Variants in RALGAPA2 observed in about 807,000 individuals in gnomAD.
RALGAPA2 encodes Ral GTPase activating protein catalytic subunit alpha 2.
Under a neutral mutation model 230.4 loss-of-function variants are expected in RALGAPA2, and 139 were observed. The ratio of observed to expected loss-of-function variants is 0.60; its 90% CI spans 0.53 to 0.69. RALGAPA2 has a LOEUF of 0.69. Among genes scored for constraint, RALGAPA2 ranks in the 30% least tolerant of loss-of-function variants. The pLI is 0.00. For missense variants in RALGAPA2, 2,163 were observed against 2,276.0 expected (o/e 0.95, Z 1.01); for synonymous variants, 847 against 837.8 (o/e 1.01, Z -0.19).
intron 37 of RALGAPA2, among the ~76,000 whole-genome samples, chr20:20,452,315 T>C (rs144499969): frequency 6.6e-6 from 1 of 152,310 alleles, no homozygotes; most frequent in Non-Finnish European, 1.5e-5. Context: ...ACGTTTTAGC[T>C]GGAGGGGTTA....
intron 16 of RALGAPA2, among the ~76,000 whole-genome samples, chr20:20,597,670 C>T (rs2065499895): frequency 6.6e-6 from 1 of 152,020 alleles, no homozygotes; most frequent in Admixed American, 6.6e-5. Context: ...GAAACCTCAT[C>T]TCTACTAAAA....
chr20:20,421,873 A>G lies in RALGAPA2; in HGVS notation c.5496-9725T>C, dbSNP rs533600751. ...TTATTATTTACAGCCAAAAACCAGA[A>G]ACAACCCCCTTGCCTGCAAACTGAT... On this transcript the variant is annotated intron_variant, in intron 37 of 39. Coordinates refer to ENST00000202677, the MANE Select transcript of RALGAPA2 (RefSeq NM_020343.4). Among the ~76,000 whole-genome samples, 14 of 152,318 alleles carry G rather than the reference A, an allele frequency of 9.2e-5. No individual in the cohort carries two copies. The East Asian group carries it at 2.7e-3, about 29-fold the overall frequency.
intron 24 of RALGAPA2, among the ~76,000 whole-genome samples, chr20:20,539,065 A>T (rs748001911): frequency 3.3e-5 from 5 of 152,204 alleles, no homozygotes; most frequent in Non-Finnish European, 7.3e-5. Context: ...TCTTATGTAC[A>T]CACTATAATT....
chr20:20,480,651 G>A (rs550181379), intron 36 of RALGAPA2, among the ~76,000 whole-genome samples: 30 of 152,126 alleles, frequency 2.0e-4, no homozygotes, highest in Non-Finnish European at 3.4e-4. Flanking sequence ...GGATAGACAG[G>A]GTGAGTGGTC....
At chr20:20,497,639 T>C (rs947037270) in intron 35 of RALGAPA2, among the ~76,000 whole-genome samples, 4 of 152,248 alleles carry the variant, frequency 2.6e-5, no homozygotes, top group Admixed American at 2.0e-4. Flanking sequence ...ACCGTGATTA[T>C]TGAAGTTTTG....
At chr20:20,550,130 C>T (rs1006638236) in intron 23 of RALGAPA2, among the ~76,000 whole-genome samples, 1 of 152,058 alleles carries the variant, frequency 6.6e-6, no homozygotes, top group African/African-American at 2.4e-5. Context: ...GTCTTTTATC[C>T]CTCATCCCCT....
intron 23 of RALGAPA2, among the ~76,000 whole-genome samples, chr20:20,557,299 A>T (rs1459429158): frequency 6.6e-6 from 1 of 151,608 alleles, no homozygotes; most frequent in Non-Finnish European, 1.5e-5. Context: ...ACAGAGTGAT[A>T]CTCCGTCTTA....
intron 37 of RALGAPA2, among the ~76,000 whole-genome samples, chr20:20,453,551 GT>G (rs35029301): frequency 0.02 from 3,015 of 152,262 alleles, 37 homozygotes; most frequent in South Asian, 0.027. Context: ...GCTGAAAGTC[GT>G]TTACTTTTTC....
At position 20,619,344 on chromosome 20, in the gene RALGAPA2, AT is replaced by A. The variant is rs1456057067; in HGVS notation, c.1471del (p.Met491Ter). The A allele has an allele frequency of 6.2e-7, 1 of 1,612,362 alleles. No homozygotes were observed. On this transcript the variant is annotated frameshift_variant, in exon 12 of 40. Transcript: ENST00000202677. LOFTEE classifies it high-confidence loss of function. ...WGRTYSFTSA[M>X]SRGCVTEEEN... The stretch of plus-strand genomic sequence containing the variant: ...CTCCTCTGTCACACACCCTCTGCTC[AT>A]TGCACTTGTGAAGGAGTATGTGCGT...
intron 9 of RALGAPA2, 184 bp downstream of exon 9, chr20:20,635,234 G>C: frequency 1.5e-6 from 1 of 647,824 alleles, no homozygotes; most frequent in Non-Finnish European, 2.7e-6. Context: ...TGCACAGCAA[G>C]TGATTCAAAC....
Position 20,609,172 on chromosome 20 carries a change from A to T in RALGAPA2, c.1800+2143T>A, listed in dbSNP as rs552431646. The stretch of plus-strand genomic sequence containing the variant: ...ACTATGGCTGGATAATTTTTTTAAA[A>T]TTTTTTGTAGAGACAGGGGTCTCAC... On this transcript the variant is annotated intron_variant, in intron 14 of 39. Transcript: ENST00000202677. Among the ~76,000 whole-genome samples, 827 of 152,020 alleles carry T rather than the reference A, an allele frequency of 5.4e-3. 7 individuals are homozygous for T. The highest frequency in any genetic ancestry group is 0.019 in the African/African-American group (789 of 41,470).
In RALGAPA2 at chr20:20,635,381, C is replaced by T. The variant is rs1183489654; in HGVS notation, c.1005+37G>A. 6 of 1,524,166 alleles carry T rather than the reference C, an allele frequency of 3.9e-6. No homozygotes were observed. The East Asian group carries it at 1.4e-4, about 35-fold the overall frequency. The allele number at this position is 1,524,166 out of a possible 1,614,324, so 94.4% of individuals were successfully genotyped here. On this transcript the variant is annotated intron_variant, in intron 9 of 39. Coordinates refer to ENST00000202677, the MANE Select transcript of RALGAPA2 (RefSeq NM_020343.4). ...CTATGTTCCAGTGTATTTTATTACA[C>T]AAGCATTAACAGATAAAAAGATGAT...
chr20:20,629,705 G>A lies in RALGAPA2; in HGVS notation c.1006-115C>T, dbSNP rs2066608966. 11 of 1,093,618 alleles carry A rather than the reference G, an allele frequency of 1.0e-5. No individual in the cohort carries two copies. The South Asian group carries it at 1.3e-4, about 13-fold the overall frequency. The allele number at this position is 1,093,618 out of a possible 1,614,324, so 67.7% of individuals were successfully genotyped here. On this transcript the variant is annotated intron_variant, in intron 9 of 39. Transcript: ENST00000202677. The stretch of plus-strand genomic sequence containing the variant: ...TCTGGTTACCATCAATGTGCACAGG[G>A]TACAGCAAACCAAAACCAGCTTGAA...
chr20:20,532,635 AAT>A (rs1240809751), intron 26 of RALGAPA2, among the ~76,000 whole-genome samples: 1 of 152,216 alleles, frequency 6.6e-6, no homozygotes, highest in Non-Finnish European at 1.5e-5. Context: ...TAGGCCGTTT[AAT>A]ATATAAGTCT....
At chr20:20,557,482 C>T (rs2064119540) in intron 23 of RALGAPA2, among the ~76,000 whole-genome samples, 1 of 152,108 alleles carries the variant, frequency 6.6e-6, no homozygotes, top group African/African-American at 2.4e-5. Context: ...AATGCATCTA[C>T]TAGAAATATA....
chr20:20,539,897 G>A (rs2063598250), intron 24 of RALGAPA2, among the ~76,000 whole-genome samples: 2 of 152,042 alleles, frequency 1.3e-5, no homozygotes, highest in South Asian at 4.2e-4. Flanking sequence ...TCTTTCATTT[G>A]GAAAAATGGT....
At chr20:20,654,409 C>T (rs1050548543) in intron 3 of RALGAPA2, among the ~76,000 whole-genome samples, 3 of 152,162 alleles carry the variant, frequency 2.0e-5, no homozygotes, top group Non-Finnish European at 2.9e-5. Context: ...AGGCTGGTCT[C>T]GAACTCCTGA....
chr20:20,696,081 C>T (rs922728039), intron 1 of RALGAPA2, among the ~76,000 whole-genome samples: 9 of 152,104 alleles, frequency 5.9e-5, no homozygotes, highest in Admixed American at 3.3e-4. Context: ...AAGCTCAGGC[C>T]GCTGTGTGGG....
At chr20:20,490,887 C>CAT (rs1262891376) in intron 36 of RALGAPA2, among the ~76,000 whole-genome samples, 1 of 151,454 alleles carries the variant, frequency 6.6e-6, no homozygotes, top group Non-Finnish European at 1.5e-5. Context: ...CACACACACA[C>CAT]ACACACACTC....
Sources: allele counts gnomAD v4.1 joint callset (sites outside exome capture counted in the v4.1 genomes callset), GRCh38; gene constraint gnomAD v4.1.1; transcripts MANE v1.5; gene names NCBI Gene and HGNC (gene_info 2026-07-23, HGNC 2026-07-21).